Variants in ST8SIA4 observed in about 807,000 individuals in gnomAD.
ST8SIA4 encodes ST8 alpha-N-acetyl-neuraminide alpha-2,8-sialyltransferase 4, also known as CMP-N-acetylneuraminate-poly-alpha-2,8-sialyltransferase.
A neutral mutation model predicts 33.9 loss-of-function variants in ST8SIA4; 15 were observed. The ratio of observed to expected loss-of-function variants is 0.44; its 90% confidence interval spans 0.30 to 0.68. The LOEUF is 0.68. Among genes scored for constraint, ST8SIA4 ranks in the 30% least tolerant of loss-of-function variants. The pLI, the probability that ST8SIA4 is intolerant of heterozygous loss-of-function variation, is 0.10. For synonymous variants in ST8SIA4, 171 were observed against 151.2 expected, an observed-to-expected ratio of 1.13 and a Z score of -0.96; for missense variants, 321 against 428.0, an observed-to-expected ratio of 0.75 and a Z score of 2.21.
chr5:100,818,357 C>A (rs1490961297), intron 4 of ST8SIA4, among the ~76,000 whole-genome samples: 1 of 151,826 alleles, frequency 6.6e-6, no homozygotes, highest in Non-Finnish European at 1.5e-5. Context: ...ATGTGTGAAG[C>A]TTTTTGGGAA....
chr5:100,864,411 A>G (rs1332561984), intron 3 of ST8SIA4, among the ~76,000 whole-genome samples: 1 of 151,826 alleles, frequency 6.6e-6, no homozygotes, highest in Non-Finnish European at 1.5e-5. Context: ...CGCCTCTACT[A>G]AAAACACAAA....
intron 2 of ST8SIA4, chr5:100,890,536 A>G (rs896102236): frequency 6.6e-6 from 1 of 151,920 alleles, no homozygotes; most frequent in African/African-American, 2.4e-5. Flanking sequence ...GAGACACATG[A>G]ATCAACAAAA....
rs542321951 is a variant in ST8SIA4 at position 100,810,554 on chromosome 5, A to G, written c.*1293T>C. 6 of 152,358 alleles carry G rather than the reference A, an allele frequency of 3.9e-5. 1 individual carries two copies. Among genetic ancestry groups the G allele is most frequent in the African/African-American group, 1.4e-4 (6 of 41,584 alleles). 9.4% of individuals were successfully genotyped at this position (152,358 alleles called of 1,614,324 possible). A position where few individuals can be genotyped will look rare whatever the true frequency, so the allele number is the denominator to read the frequency against. On this transcript the variant is annotated 3_prime_UTR_variant, in exon 5 of 5. Transcript: ENST00000231461. ...TCCACAAAATTATTATGTAATGCAA[A>G]AGGTGTGAAAAACATTTCAAATGAA...
chr5:100,858,832 G>A (rs571466689), intron 3 of ST8SIA4, among the ~76,000 whole-genome samples: 2 of 152,202 alleles, frequency 1.3e-5, no homozygotes, highest in South Asian at 4.1e-4. Flanking sequence ...GAGGATCTGA[G>A]CAGAGCACAA....
At chr5:100,829,005 G>C (rs1751198336) in intron 4 of ST8SIA4, among the ~76,000 whole-genome samples, 1 of 152,188 alleles carries the variant, frequency 6.6e-6, no homozygotes, top group Non-Finnish European at 1.5e-5. Context: ...ACACAGCCCA[G>C]TGACCTATAA....
intron 1 of ST8SIA4, among the ~76,000 whole-genome samples, chr5:100,899,361 T>C (rs1344814402): frequency 6.6e-6 from 1 of 152,170 alleles, no homozygotes; most frequent in Non-Finnish European, 1.5e-5. Flanking sequence ...AAATGTGAAA[T>C]GTGAAGTAAA....
intron 3 of ST8SIA4, among the ~76,000 whole-genome samples, chr5:100,866,621 T>C (rs1752067829): frequency 1.3e-5 from 2 of 151,008 alleles, no homozygotes; most frequent in Non-Finnish European, 3.0e-5. Flanking sequence ...CAAATACATA[T>C]TATATATATG....
intron 4 of ST8SIA4, among the ~76,000 whole-genome samples, chr5:100,824,096 G>C (rs1751090526): frequency 6.6e-6 from 1 of 152,132 alleles, no homozygotes; most frequent in Non-Finnish European, 1.5e-5. Flanking sequence ...TTTGATGATT[G>C]GTTCTACTTG....
chr5:100,829,780 C>A (rs28413976), intron 4 of ST8SIA4, among the ~76,000 whole-genome samples: 1 of 151,646 alleles, frequency 6.6e-6, no homozygotes, highest in East Asian at 1.9e-4. Flanking sequence ...TGGTGGTGGG[C>A]GCCTGCAGTC....
At chr5:100,886,670 A>T in intron 2 of ST8SIA4, 70 bp from the exon 3 acceptor site, 1 of 1,281,174 alleles carries the variant, frequency 7.8e-7, no homozygotes, top group South Asian at 1.3e-5. Context: ...TGTCATTTAC[A>T]AAGTAACTTA....
At chr5:100,886,040 A>G in intron 3 of ST8SIA4, 1 of 1,097,368 alleles carries the variant, frequency 9.1e-7, no homozygotes, top group Non-Finnish European at 1.1e-6. Flanking sequence ...AGAGATACTA[A>G]GAAAAAAGTT....
In ST8SIA4 at chr5:100,812,049, T is replaced by C; in HGVS notation, c.878A>G (p.Asp293Gly). ...LMYTLATRFC[D>G]EIHLYGFWPF... ...CCAGAATCCATACAGGTGAATTTCA[T>C]CACAGAATCTTGTGGCAAGTGTATA... Residue 293 changes from aspartate to glycine, a missense_variant, in exon 5 of 5, where the codon GAT (aspartate) becomes GGT (glycine). Coordinates refer to ENST00000231461, the MANE Select transcript of ST8SIA4 (RefSeq NM_005668.6). The C allele has an allele frequency of 1.9e-6, 3 of 1,614,150 alleles. No individual in the cohort carries two copies. Among genetic ancestry groups the C allele is most frequent in the Non-Finnish European group, 2.5e-6 (3 of 1,180,000 alleles).
intron 4 of ST8SIA4, among the ~76,000 whole-genome samples, chr5:100,855,376 T>G (rs1211895136): frequency 1.3e-5 from 2 of 152,188 alleles, no homozygotes; most frequent in African/African-American, 4.8e-5. Context: ...AGCCTATGCA[T>G]TTTTTAAAGG....
At chr5:100,851,761 T>C (rs1751703250) in intron 4 of ST8SIA4, among the ~76,000 whole-genome samples, 2 of 151,988 alleles carry the variant, frequency 1.3e-5, no homozygotes, top group South Asian at 4.1e-4. Context: ...GTAATGTTTG[T>C]TTTTTTCCCA....
chr5:100,815,061 T>C (rs1411770377), intron 4 of ST8SIA4, among the ~76,000 whole-genome samples: 1 of 152,020 alleles, frequency 6.6e-6, no homozygotes, highest in Non-Finnish European at 1.5e-5. Flanking sequence ...GTATAACATG[T>C]TCCAGCTTTT....
chr5:100,896,496 G>A (rs1252388392), intron 1 of ST8SIA4, among the ~76,000 whole-genome samples: 1 of 152,060 alleles, frequency 6.6e-6, no homozygotes, highest in Non-Finnish European at 1.5e-5. Flanking sequence ...ACTTAGACGG[G>A]AGGAATAAGT....
At chr5:100,865,450 C>G (rs1752041083) in intron 3 of ST8SIA4, among the ~76,000 whole-genome samples, 1 of 152,148 alleles carries the variant, frequency 6.6e-6, no homozygotes, top group Non-Finnish European at 1.5e-5. Flanking sequence ...CACCTCACTT[C>G]TTGCAGGAGA....
At chr5:100,838,760 T>C (rs1751413397) in intron 4 of ST8SIA4, among the ~76,000 whole-genome samples, 1 of 152,046 alleles carries the variant, frequency 6.6e-6, no homozygotes, top group Non-Finnish European at 1.5e-5. Flanking sequence ...ATCAACACTG[T>C]AGATGCTTAG....
In ST8SIA4 at chr5:100,812,319, A is replaced by G. The variant is rs375284659; in HGVS notation, c.798-190T>C. ...TTATTTTATTTCTTCTTTATCCTTT[A>G]TTTTCTTTCTTATTCTTGAGGTCAT... is the stretch of plus-strand genomic sequence containing the variant. On this transcript the variant is annotated intron_variant, in intron 4 of 4. Coordinates refer to ENST00000231461, the MANE Select transcript of ST8SIA4 (RefSeq NM_005668.6). Among the ~76,000 whole-genome samples the G allele has an allele frequency of 2.0e-5, 3 of 152,022 alleles. No individual in the cohort carries two copies. In the East Asian group the frequency reaches 5.8e-4, roughly 29 times the overall value.
Sources: gnomAD v4.1 joint callset for allele counts (sites outside exome capture counted in the v4.1 genomes callset) on GRCh38, gnomAD v4.1.1 for gene constraint, MANE v1.5 for transcripts, NCBI Gene and HGNC (gene_info 2026-07-23, HGNC 2026-07-21) for gene names.